PIAS1: variants seen among roughly 807,000 people sequenced by gnomAD.
PIAS1 encodes protein inhibitor of activated STAT 1, also known as E3 SUMO-protein ligase PIAS1.
PIAS1 carries 6 observed loss-of-function variants against 71.3 expected under a neutral mutation model. The ratio of observed to expected loss-of-function variants is 0.08; its 90% CI spans 0.05 to 0.17. PIAS1 has a LOEUF of 0.17. Ranked by LOEUF, PIAS1 falls within the 10% of genes least tolerant of loss-of-function variation. The pLI is 1.00. For missense variants in PIAS1, 555 were observed against 793.6 expected, an observed-to-expected ratio of 0.70 and a Z score of 3.61; for synonymous variants, 303 against 292.9, an observed-to-expected ratio of 1.03 and a Z score of -0.35.
intron 2 of PIAS1, among the ~76,000 whole-genome samples, chr15:68,114,987 T>G (rs892100970): frequency 2.0e-5 from 3 of 152,092 alleles, no homozygotes; most frequent in Non-Finnish European, 4.4e-5. Context: ...TCTTCTCTCA[T>G]AATAGGCTCT....
intron 1 of PIAS1, among the ~76,000 whole-genome samples, chr15:68,065,503 A>AT (rs2092008082): frequency 6.7e-6 from 1 of 150,118 alleles, no homozygotes; most frequent in African/African-American, 2.5e-5. Flanking sequence ...AAGTGGTAGG[A>AT]TTTTTTGATC....
At chr15:68,129,768 A>G (rs2092676247) in intron 2 of PIAS1, among the ~76,000 whole-genome samples, 3 of 150,954 alleles carry the variant, frequency 2.0e-5, no homozygotes, top group African/African-American at 7.3e-5. Context: ...TCTTAATGAA[A>G]AAGCAGATTG....
At chr15:68,101,330 G>A (rs1012407547) in intron 2 of PIAS1, among the ~76,000 whole-genome samples, 13 of 75,370 alleles carry the variant, frequency 1.7e-4, no homozygotes, top group Admixed American at 3.9e-4. Flanking sequence ...TCTAATTGCA[G>A]TGTTTTTTTT....
In PIAS1 at chr15:68,173,915, G is replaced by C. The variant is rs1419919339; in HGVS notation, c.1169+23G>C. 3 of 1,430,824 alleles carry C rather than the reference G, an allele frequency of 2.1e-6. No homozygotes were observed. In the African/African-American group the frequency reaches 4.3e-5, roughly 20 times the overall value. 88.6% of individuals were successfully genotyped at this position (1,430,824 alleles called of 1,614,324 possible). Reference sequence around the variant, plus strand: ...TGGGTATGTTACTTTAAGTGTTTTTGGTACCTTGAAATGACCATATATTAT... The same window carrying C: ...TGGGTATGTTACTTTAAGTGTTTTTCGTACCTTGAAATGACCATATATTAT... On this transcript the variant is annotated intron_variant, in intron 9 of 13. Transcript: ENST00000249636. This position sits in a 1 kb window ranked among gnomAD's most constrained non-coding sequence, Gnocchi z 4.3.
At chr15:68,125,898 A>G (rs1423884258) in intron 2 of PIAS1, among the ~76,000 whole-genome samples, 1 of 152,050 alleles carries the variant, frequency 6.6e-6, no homozygotes, top group African/African-American at 2.4e-5. Context: ...CAGGTTTGCT[A>G]TGCTGATCTA....
chr15:68,159,048 A>G (rs915115824), intron 7 of PIAS1, among the ~76,000 whole-genome samples: 10 of 152,244 alleles, frequency 6.6e-5, no homozygotes, highest in Admixed American at 3.9e-4. Context: ...TGCTCCCCAA[A>G]TCGACTTATT....
intron 2 of PIAS1, among the ~76,000 whole-genome samples, chr15:68,089,030 C>T (rs1467997840): frequency 6.6e-6 from 1 of 152,180 alleles, no homozygotes; most frequent in Non-Finnish European, 1.5e-5. Context: ...ATCACTGAGT[C>T]CAGAATGGGA....
chr15:68,164,811 GT>G lies in PIAS1; in HGVS notation c.1008+9del. 1 of 1,500,926 alleles carries G rather than the reference GT, an allele frequency of 6.7e-7. No homozygotes were observed. The highest frequency in any genetic ancestry group is 9.2e-7 in the Non-Finnish European group (1 of 1,089,144). The allele number at this position is 1,500,926 out of a possible 1,614,324, so 93.0% of individuals were successfully genotyped here. ...GGTTTCTCTACTATGTCCAGTAAGT[GT>G]TAACTATTACTTGCTTTCCAGAAAG... On this transcript the variant is annotated splice_region_variant and intron_variant, in intron 8 of 13. Transcript: ENST00000249636.
intron 1 of PIAS1, among the ~76,000 whole-genome samples, chr15:68,066,203 T>A (rs893620091): frequency 6.6e-6 from 1 of 152,028 alleles, no homozygotes; most frequent in Non-Finnish European, 1.5e-5. Flanking sequence ...CACCACAACC[T>A]CCGCCTCCTG....
chr15:68,068,606 C>T (rs1056834221), intron 1 of PIAS1, among the ~76,000 whole-genome samples: 3 of 151,898 alleles, frequency 2.0e-5, no homozygotes, highest in African/African-American at 7.3e-5. Flanking sequence ...GTGTCTGCCA[C>T]CATGCTTGGC....
intron 2 of PIAS1, among the ~76,000 whole-genome samples, chr15:68,117,976 T>G (rs1420094608): frequency 3.3e-5 from 5 of 152,192 alleles, no homozygotes; most frequent in Non-Finnish European, 7.3e-5. Context: ...ACCATCATTA[T>G]GTTAAGGGTT....
At chr15:68,074,580 G>A (rs901358467) in intron 1 of PIAS1, among the ~76,000 whole-genome samples, 2 of 152,182 alleles carry the variant, frequency 1.3e-5, no homozygotes, top group African/African-American at 2.4e-5. Flanking sequence ...TGAGTTTTCA[G>A]TAATTGTTCT....
chr15:68,064,788 C>G (rs2091998899), intron 1 of PIAS1, among the ~76,000 whole-genome samples: 1 of 152,146 alleles, frequency 6.6e-6, no homozygotes, highest in South Asian at 2.1e-4. Flanking sequence ...ATGTGAGAAT[C>G]AAGATGTCTT....
chr15:68,093,506 A>G (rs1177016810), intron 2 of PIAS1, among the ~76,000 whole-genome samples: 4 of 152,244 alleles, frequency 2.6e-5, no homozygotes, highest in Non-Finnish European at 5.9e-5. Flanking sequence ...GAGGGCTTCT[A>G]CTGAATTTCT....
intron 2 of PIAS1, among the ~76,000 whole-genome samples, chr15:68,094,724 T>G (rs950587056): frequency 1.3e-5 from 2 of 152,176 alleles, no homozygotes; most frequent in Non-Finnish European, 2.9e-5. Context: ...TACTCTACTT[T>G]TAGATAATTC....
intron 2 of PIAS1, among the ~76,000 whole-genome samples, chr15:68,110,975 C>A (rs891272312): frequency 1.3e-5 from 2 of 152,090 alleles, no homozygotes; most frequent in African/African-American, 4.8e-5. Flanking sequence ...ATGATATGTA[C>A]TTTCTCTGGT....
intron 2 of PIAS1, among the ~76,000 whole-genome samples, chr15:68,089,366 T>C (rs1289937358): frequency 1.3e-5 from 2 of 152,206 alleles, no homozygotes; most frequent in East Asian, 3.8e-4. Flanking sequence ...TAAAGTAAGA[T>C]GTTTAATTTA....
chr15:68,142,203 A>T (rs968521945), intron 3 of PIAS1, 87 bp from the exon 4 acceptor site: 39 of 1,206,236 alleles, frequency 3.2e-5, no homozygotes, highest in African/African-American at 4.5e-5. Context: ...ATAATTTGAA[A>T]AACTTTTCTG....
rs898360710 is a variant in PIAS1 at position 68,187,443 on chromosome 15, C to A, written c.1663-99C>A. The A allele has an allele frequency of 3.7e-6, 4 of 1,092,470 alleles. No homozygotes were observed. The African/African-American group carries it at 6.3e-5, about 17-fold the overall frequency. 67.7% of individuals were successfully genotyped at this position (1,092,470 alleles called of 1,614,324 possible). On this transcript the variant is annotated intron_variant, in intron 13 of 13. Transcript: ENST00000249636. The surrounding 1 kb of genome is among the most constrained non-coding windows in gnomAD (Gnocchi z 5.3). ...AAATATTTCAGAAACCCTAGATACT[C>A]AGGCTATCTTAAATTTAGGGCTGTG...
Sources: gnomAD v4.1 joint callset for allele counts (sites outside exome capture counted in the v4.1 genomes callset) on GRCh38, gnomAD v4.1.1 for gene constraint, Gnocchi (gnomAD v3.1) non-coding constraint, MANE v1.5 for transcripts, NCBI Gene and HGNC (gene_info 2026-07-23, HGNC 2026-07-21) for gene names.